The following NFIB variants were observed in gnomAD, a reference collection of about 807,000 sequenced individuals.
NFIB encodes the protein nuclear factor 1 B-type.
In NFIB, 11 loss-of-function variants were observed where a neutral mutation model predicts 61.5. The ratio of observed to expected loss-of-function variants is 0.18; its 90% CI spans 0.11 to 0.30. The LOEUF (loss-of-function observed/expected upper bound fraction) is 0.30, where lower values mean the gene tolerates loss of function less well. NFIB is among the 10% of genes least tolerant of loss of function. The pLI is 1.00. For synonymous variants in NFIB, 260 were observed against 216.5 expected, an observed-to-expected ratio of 1.20 and a Z score of -1.76; for missense variants, 471 against 608.9, an observed-to-expected ratio of 0.77 and a Z score of 2.38.
chr9:14,134,913 A>AAAAAAAAGAAAAAAAAAG (rs2040859087), intron 6 of NFIB, among the ~76,000 whole-genome samples: 1 of 133,320 alleles, frequency 7.5e-6, no homozygotes. Context: ...AAAAAAAAAA[A>AAAAAAAAGAAAAAAAAAG]AAAAAAAGGA....
chr9:14,396,004 G>T (rs1260555251), intron 1 of NFIB, among the ~76,000 whole-genome samples: 2 of 151,912 alleles, frequency 1.3e-5, no homozygotes, highest in Non-Finnish European at 2.9e-5. Flanking sequence ...CCCTGTTGCC[G>T]GCAGTGCACT....
chr9:14,254,720 G>T (rs1481808103), intron 2 of NFIB, among the ~76,000 whole-genome samples: 1 of 152,068 alleles, frequency 6.6e-6, no homozygotes, highest in Non-Finnish European at 1.5e-5. Context: ...GCTTATTAGG[G>T]TCTCACCAAG....
chr9:14,440,157 G>A, the NFIB span, among the ~76,000 whole-genome samples: 3 of 152,174 alleles, frequency 2.0e-5, no homozygotes, highest in Non-Finnish European at 2.9e-5. Context: ...GAGGCACCTG[G>A]TGTGAGCTGG....
chr9:14,371,375 T>C (rs2061357080), intron 1 of NFIB, among the ~76,000 whole-genome samples: 1 of 152,204 alleles, frequency 6.6e-6, no homozygotes, highest in Non-Finnish European at 1.5e-5. Context: ...GAAATCCTTG[T>C]TGAAGCGTTT....
At position 14,395,123 on chromosome 9, in the gene NFIB, G is replaced by C. The variant is rs376231884; in HGVS notation, c.108+3401C>G. Among the ~76,000 whole-genome samples the C allele has an allele frequency of 3.2e-4, 49 of 151,970 alleles. 1 individual carries two copies. The South Asian group carries it at 9.6e-3, about 30-fold the overall frequency. On this transcript the variant is annotated intron_variant, in intron 1 of 8. Coordinates refer to the NFIB transcript ENST00000380934. ...GTCTGGTGGCTTCCTCAGAACCCTG[G>C]GTGCCAAGATGTCAGTGTATGCTGT...
chr9:14,528,628 G>A, the NFIB span, among the ~76,000 whole-genome samples: 4 of 152,074 alleles, frequency 2.6e-5, no homozygotes, highest in Admixed American at 6.5e-5. Context: ...TTCTGGCCTG[G>A]TTCTGATGGG....
chr9:14,471,946 C>T, the NFIB span, among the ~76,000 whole-genome samples: 1 of 152,180 alleles, frequency 6.6e-6, no homozygotes, highest in African/African-American at 2.4e-5. Context: ...TACTTGGCAC[C>T]CCTCCATTCT....
At chr9:14,256,410 C>A (rs563438564) in intron 2 of NFIB, among the ~76,000 whole-genome samples, 4 of 152,046 alleles carry the variant, frequency 2.6e-5, no homozygotes, top group Non-Finnish European at 4.4e-5. Context: ...CCCCTCCTTA[C>A]AAACAGAAGT....
chr9:14,266,326 C>G (rs1265700138), intron 2 of NFIB, among the ~76,000 whole-genome samples: 1 of 152,092 alleles, frequency 6.6e-6, no homozygotes, highest in Non-Finnish European at 1.5e-5. Context: ...TGTGGTGACT[C>G]GCACCTGTAA....
the NFIB span, among the ~76,000 whole-genome samples, chr9:14,462,534 G>A: frequency 5.9e-5 from 9 of 151,970 alleles, no homozygotes; most frequent in Admixed American, 2.0e-4. Flanking sequence ...AGCCCGCCTC[G>A]GCCTCCCAAA....
Position 14,085,319 on chromosome 9 carries a change from C to T in NFIB, c.*2990G>A. 4.4e-6 allele frequency: 1 copy of T among 226,286 alleles called. No individual in the cohort carries two copies. The highest frequency in any genetic ancestry group is 8.8e-6 in the Non-Finnish European group (1 of 113,792). The allele number at this position is 226,286 out of a possible 1,614,324, so 14.0% of individuals were successfully genotyped here. On this transcript the variant is annotated 3_prime_UTR_variant, in exon 11 of 11. Coordinates refer to ENST00000380953, the MANE Select transcript of NFIB (RefSeq NM_001190737.2). ...GGGCCAGGGGACTCCTTAAGACAGC[C>T]TACCATGTGTCACCAATTCTGAAAG... is the stretch of plus-strand genomic sequence containing the variant.
the NFIB span, among the ~76,000 whole-genome samples, chr9:14,452,081 T>C: frequency 6.6e-6 from 1 of 152,168 alleles, no homozygotes; most frequent in Admixed American, 6.5e-5. Context: ...CATACAGATC[T>C]GACTTTTTCT....
At chr9:14,426,524 G>C in the NFIB span, among the ~76,000 whole-genome samples, 1 of 152,172 alleles carries the variant, frequency 6.6e-6, no homozygotes, top group Non-Finnish European at 1.5e-5. Context: ...ATATATGTTT[G>C]CTAACTGATC....
At chr9:14,240,396 G>A (rs1162783437) in intron 2 of NFIB, among the ~76,000 whole-genome samples, 1 of 152,052 alleles carries the variant, frequency 6.6e-6, no homozygotes, top group South Asian at 2.1e-4. Context: ...CATATGGCTG[G>A]GGAGCCAAAA....
At chr9:14,509,307 C>A in the NFIB span, among the ~76,000 whole-genome samples, 1 of 152,298 alleles carries the variant, frequency 6.6e-6, no homozygotes. Context: ...ACATGTTCTG[C>A]AGAATATGAA....
intron 2 of NFIB, among the ~76,000 whole-genome samples, chr9:14,272,198 C>T (rs1038328170): frequency 6.6e-6 from 1 of 151,902 alleles, no homozygotes; most frequent in African/African-American, 2.4e-5. Context: ...CTCTTTTTTC[C>T]CCCACATATT....
intron 1 of NFIB, among the ~76,000 whole-genome samples, chr9:14,332,293 A>T (rs1294194872): frequency 2.1e-5 from 3 of 146,106 alleles, no homozygotes; most frequent in Non-Finnish European, 4.5e-5. Flanking sequence ...AGATCGTGCC[A>T]CTGCACTCCA....
At position 14,087,494 on chromosome 9, in the gene NFIB, G is replaced by A. The variant is rs895015061; in HGVS notation, c.*815C>T. ...ATTATATTAATTTTTACTGTTGCATGCAGAGAGAACACTTCACCTACATAG... is the reference window on the plus strand; with the variant it reads ...ATTATATTAATTTTTACTGTTGCATACAGAGAGAACACTTCACCTACATAG... On this transcript the variant is annotated 3_prime_UTR_variant, in exon 11 of 11. Coordinates refer to ENST00000380953, the MANE Select transcript of NFIB (RefSeq NM_001190737.2). 1.8e-5 allele frequency: 4 copies of A among 225,034 alleles called. No homozygotes were observed. The highest frequency in any genetic ancestry group is 1.7e-4 in the Admixed American group (3 of 17,500). 13.9% of individuals were successfully genotyped at this position (225,034 alleles called of 1,614,324 possible).
At position 14,113,018 on chromosome 9, in the gene NFIB, G is replaced by T. The variant is rs759415688; in HGVS notation, c.1448C>A (p.Ser483Tyr). The T allele has an allele frequency of 6.5e-6, 10 of 1,550,344 alleles. No individual in the cohort carries two copies. Among genetic ancestry groups the T allele is most frequent in the Non-Finnish European group, 7.8e-6 (9 of 1,146,850 alleles). The change falls in exon 10 of 11, where the codon TCC becomes TAC. Residue 483 changes from serine to tyrosine, a missense_variant. This residue lies in a region of NFIB where 372 missense variants were observed against 395.6 expected (regional missense o/e 0.94). Transcript: ENST00000380953. ...RYVGLSPRDPSFLHQQQSWYL... is the reference protein window; with the variant it reads ...RYVGLSPRDPYFLHQQQSWYL... The stretch of plus-strand genomic sequence containing the variant: ...GCCCACCTGTTGCTGATGTAGGAAG[G>T]ATGGGTCTCTTGGGCTTAGTCCCAC...
Sources: gnomAD v4.1 joint callset for allele counts (sites outside exome capture counted in the v4.1 genomes callset) on GRCh38, gnomAD v4.1.1 for gene constraint, gnomAD v4.1.1 regional missense constraint, MANE v1.5 for transcripts, NCBI Gene and HGNC (gene_info 2026-07-23, HGNC 2026-07-21) for gene names.